Variants in RPE65 observed in about 807,000 individuals in gnomAD.
RPE65 encodes retinoid isomerohydrolase.
Under a neutral mutation model 68.5 loss-of-function variants are expected in RPE65, and 58 were observed. That is an observed-to-expected ratio of 0.85 (90% confidence interval 0.69 to 1.05). The LOEUF is 1.05. Among genes scored for constraint, RPE65 ranks in the 50% least tolerant of loss-of-function variants. The pLI, the probability that RPE65 is intolerant of heterozygous loss-of-function variation, is 0.00. For missense variants in RPE65, 643 were observed against 629.9 expected (o/e 1.02, Z -0.22); for synonymous variants, 220 against 222.2 (o/e 0.99, Z 0.09).
chr1:68,448,892 C>T (rs563438706), intron 1 of RPE65, among the ~76,000 whole-genome samples, 186 bp from the exon 2 acceptor site: 2 of 70,886 alleles, frequency 2.8e-5, no homozygotes, highest in Admixed American at 2.2e-4. Flanking sequence ...GGGAGGAGCA[C>T]GTGAGGCTGG....
intron 5 of RPE65, among the ~76,000 whole-genome samples, chr1:68,444,225 G>C (rs1362271296): frequency 6.6e-6 from 1 of 152,190 alleles, no homozygotes; most frequent in African/African-American, 2.4e-5. Context: ...TCCAATCCAT[G>C]TAAGTGTTTA....
intron 3 of RPE65, among the ~76,000 whole-genome samples, chr1:68,445,901 T>C (rs924089251): frequency 1.3e-5 from 2 of 151,888 alleles, no homozygotes; most frequent in Non-Finnish European, 2.9e-5. Flanking sequence ...CTCTTATGGC[T>C]ACATTTCTGC....
At position 68,439,713 on chromosome 1, in the gene RPE65, C is replaced by T. The variant is rs1645887047; in HGVS notation, c.644-71G>A. The T allele has an allele frequency of 1.9e-5, 22 of 1,137,674 alleles. 1 individual carries two copies. The highest frequency in any genetic ancestry group is 1.9e-4 in the South Asian group (15 of 80,018). The allele number at this position is 1,137,674 out of a possible 1,614,324, so 70.5% of individuals were successfully genotyped here. On this transcript the variant is annotated intron_variant, in intron 6 of 13. Transcript: ENST00000262340. ...TTTTTTTAATACAAAGCATTTAGAA[C>T]AGCTTATACAGGCAAAGAAACACAT...
At chr1:68,445,103 T>C (rs988579358) in intron 3 of RPE65, among the ~76,000 whole-genome samples, 3 of 152,160 alleles carry the variant, frequency 2.0e-5, no homozygotes, top group African/African-American at 7.2e-5. Context: ...ACCTCACAGA[T>C]GAGGAAATTG....
intron 2 of RPE65, among the ~76,000 whole-genome samples, chr1:68,448,337 A>G (rs1645956932): frequency 1.3e-5 from 2 of 152,208 alleles, no homozygotes; most frequent in Admixed American, 1.3e-4. Context: ...CATTTATAGG[A>G]CATTTACTAT....
In RPE65 at chr1:68,438,935, T is replaced by C; in HGVS notation, c.998+7A>G. Reference sequence around the variant, plus strand: ...AGGTGTCCCATTTGTCCAGTGTCCTTTCTTACCCTTTCCAGCAGCAGAGAT... The same window carrying C: ...AGGTGTCCCATTTGTCCAGTGTCCTCTCTTACCCTTTCCAGCAGCAGAGAT... On this transcript the variant is annotated splice_region_variant and intron_variant, in intron 9 of 13. Coordinates refer to ENST00000262340, the MANE Select transcript of RPE65 (RefSeq NM_000329.3). 1 of 1,614,060 alleles carries C rather than the reference T, an allele frequency of 6.2e-7. No homozygotes were observed. The highest frequency in any genetic ancestry group is 1.1e-5 in the South Asian group (1 of 91,078).
chr1:68,444,858 G>A lies in RPE65; in HGVS notation c.271C>T (p.Arg91Trp), dbSNP rs61752871. The A allele has an allele frequency of 7.3e-5, 118 of 1,614,078 alleles. No individual in the cohort carries two copies. Among genetic ancestry groups the A allele is most frequent in the African/African-American group, 2.1e-4 (16 of 74,990 alleles). The stretch of plus-strand genomic sequence containing the variant: ...ACGATCCTTTTCTCAGTCATTGCCC[G>A]TACGTAAGCATCAGTGCGGATGAAC... ...RRFIRTDAYV[R>W]AMTEKRIVIT... Residue 91 changes from arginine (R) to tryptophan (W), a missense_variant, in exon 4 of 14, where the codon CGG becomes TGG. Coordinates refer to ENST00000262340, the MANE Select transcript of RPE65 (RefSeq NM_000329.3).
chr1:68,432,974 A>G (rs1389581484), intron 10 of RPE65, among the ~76,000 whole-genome samples: 2 of 152,180 alleles, frequency 1.3e-5, no homozygotes, highest in Non-Finnish European at 2.9e-5. Context: ...AGAGGCATCA[A>G]GCATAACACC....
intron 1 of RPE65, among the ~76,000 whole-genome samples, chr1:68,449,627 C>A (rs1571175266): frequency 6.6e-6 from 1 of 152,230 alleles, no homozygotes; most frequent in Non-Finnish European, 1.5e-5. Context: ...AATGACTGGG[C>A]AAGGAGTGGA....
At chr1:68,444,510 T>C (rs1181148051) in intron 5 of RPE65, 21 bp downstream of exon 5, 3 of 1,613,916 alleles carry the variant, frequency 1.9e-6, no homozygotes, top group Non-Finnish European at 2.5e-6. Context: ...TTCCTGAACA[T>C]CACCTAGCAC....
chr1:68,439,299 G>A lies in RPE65; in HGVS notation c.750C>T (p.Ile250=), dbSNP rs759403626. The part of the protein sequence containing the change: ...VHSFGLTPNY[I]VFVETPVKIN... ...TTTTGACTGGTGTCTCCACAAAAAC[G>A]ATATAGTTGGGAGTCAGACCAAAAC... Residue 250 remains isoleucine, a synonymous_variant, in exon 8 of 14, where the codon ATC becomes ATT. Transcript: ENST00000262340. The A allele has an allele frequency of 6.8e-6, 11 of 1,613,658 alleles. No individual in the cohort carries two copies. The highest frequency in any genetic ancestry group is 8.5e-6 in the Non-Finnish European group (10 of 1,179,970).
At position 68,449,921 on chromosome 1, in the gene RPE65, G is replaced by T. The variant is rs371379383; in HGVS notation, c.-16C>A. Reference sequence around the variant, plus strand: ...GGATAGACATTTTCTTCCAGTTCAGGATCCAGAGTTCTGGCACCAACTGCA... The same window carrying T: ...GGATAGACATTTTCTTCCAGTTCAGTATCCAGAGTTCTGGCACCAACTGCA... On this transcript the variant is annotated 5_prime_UTR_variant, in exon 1 of 14. Transcript: ENST00000262340. 2.5e-6 allele frequency: 4 copies of T among 1,613,958 alleles called. No individual in the cohort carries two copies. In the African/African-American group the frequency reaches 4.0e-5, roughly 16 times the overall value.
At chr1:68,436,508 G>A (rs1423272420) in intron 10 of RPE65, among the ~76,000 whole-genome samples, 1 of 151,242 alleles carries the variant, frequency 6.6e-6, no homozygotes, top group Non-Finnish European at 1.5e-5. Flanking sequence ...CACTCTTGTT[G>A]CCCAGGCTGG....
At chr1:68,444,953 A>G in intron 3 of RPE65, 70 bp from the exon 4 acceptor site, 1 of 1,311,032 alleles carries the variant, frequency 7.6e-7, no homozygotes. Flanking sequence ...GGAGCTTAGA[A>G]TGGCCATTCT....
At chr1:68,446,115 T>G (rs1388826213) in intron 3 of RPE65, among the ~76,000 whole-genome samples, 1 of 152,062 alleles carries the variant, frequency 6.6e-6, no homozygotes, top group Non-Finnish European at 1.5e-5. Flanking sequence ...GATTTAGGGC[T>G]TCAAGGCTTT....
At chr1:68,434,360 A>G (rs948459061) in intron 10 of RPE65, among the ~76,000 whole-genome samples, 2 of 152,032 alleles carry the variant, frequency 1.3e-5, no homozygotes, top group African/African-American at 4.8e-5. Context: ...AGAGAGCCAG[A>G]TTTTGGTTAA....
intron 13 of RPE65, 23 bp downstream of exon 13, chr1:68,431,042 G>A: frequency 6.3e-7 from 1 of 1,577,226 alleles, no homozygotes; most frequent in Non-Finnish European, 8.7e-7. Context: ...AGAGTATTCA[G>A]ACACAACAAT....
rs202185816 is a variant in RPE65 at position 68,431,381 on chromosome 1, G to A, written c.1244-5C>T. On this transcript the variant is annotated splice_polypyrimidine_tract_variant and splice_region_variant and intron_variant, in intron 11 of 13. Coordinates refer to ENST00000262340, the MANE Select transcript of RPE65 (RefSeq NM_000329.3). ...TGATTTGAGGAAACTCAAATGCTAC[G>A]AAATAGAGCACATGCTTAGGAAAAC... 1.5e-4 allele frequency: 250 copies of A among 1,613,572 alleles called. 2 individuals carry two copies. The African/African-American group carries it at 2.9e-3, about 19-fold the overall frequency.
At chr1:68,438,716 TTG>T (rs1458826666) in intron 9 of RPE65, among the ~76,000 whole-genome samples, 1 of 152,174 alleles carries the variant, frequency 6.6e-6, no homozygotes. Flanking sequence ...ACAGAATCTT[TTG>T]TTTTCAGGTG....
Sources: gnomAD v4.1 joint callset for allele counts (sites outside exome capture counted in the v4.1 genomes callset) on GRCh38, gnomAD v4.1.1 for gene constraint, MANE v1.5 for transcripts, NCBI Gene and HGNC (gene_info 2026-07-23, HGNC 2026-07-21) for gene names.